DMD: variants seen among roughly 807,000 people sequenced by gnomAD.
DMD encodes the protein dystrophin.
A neutral mutation model predicts 330.1 loss-of-function variants in DMD; 63 were observed. The observed-to-expected ratio is 0.19, with a 90% CI of 0.16 to 0.24. DMD has a LOEUF of 0.24. Among genes scored for constraint, DMD ranks in the 10% least tolerant of loss-of-function variants. The probability of loss-of-function intolerance (pLI) is 1.00; values close to 1 mark genes in which losing one functional copy is unlikely to be tolerated. For synonymous variants in DMD, 1,223 were observed against 959.8 expected (o/e 1.27, Z -5.07); for missense variants, 3,344 against 2,684.1 (o/e 1.25, Z -5.43).
intron 54 of DMD, among the ~76,000 whole-genome samples, chrX:31,657,184 T>G (rs1569184781): frequency 1.8e-5 from 2 of 111,414 alleles, no homozygotes; most frequent in African/African-American, 6.5e-5. Context: ...GTACAGGTGC[T>G]ATTTTTTCAG....
intron 11 of DMD, among the ~76,000 whole-genome samples, chrX:32,635,277 T>C (rs2059019554): frequency 9.0e-6 from 1 of 111,570 alleles, no homozygotes; most frequent in Non-Finnish European, 1.9e-5. Context: ...TCTGTGCCTC[T>C]TTCTGTGATA....
At chrX:33,137,813 G>A (rs998390208) in intron 1 of DMD, among the ~76,000 whole-genome samples, 1 of 111,844 alleles carries the variant, frequency 8.9e-6, no homozygotes, top group Non-Finnish European at 1.9e-5. Flanking sequence ...TGAAGGAACA[G>A]AAGATGATGT....
chrX:32,822,480 G>A (rs1264092010), intron 5 of DMD, among the ~76,000 whole-genome samples: 1 of 110,088 alleles, frequency 9.1e-6, no homozygotes, highest in Non-Finnish European at 1.9e-5. Flanking sequence ...GTATGATTAT[G>A]TATACATATT....
intron 60 of DMD, among the ~76,000 whole-genome samples, chrX:31,373,811 T>C (rs1443187691): frequency 5.0e-4 from 54 of 108,913 alleles, no homozygotes; most frequent in African/African-American, 1.7e-3. Flanking sequence ...AAAGCCAAAA[T>C]TGACAAATGG....
At chrX:32,407,506 C>A (rs1361180267) in intron 30 of DMD, among the ~76,000 whole-genome samples, 2 of 110,956 alleles carry the variant, frequency 1.8e-5, no homozygotes, top group Non-Finnish European at 3.8e-5. Context: ...GAAATAGGAA[C>A]ACTTTTACAC....
At chrX:31,595,970 C>T (rs1485062882) in intron 55 of DMD, among the ~76,000 whole-genome samples, 4 of 110,762 alleles carry the variant, frequency 3.6e-5, no homozygotes, top group Non-Finnish European at 7.6e-5. Context: ...ATTTACAATG[C>T]TATAAGCTAT....
chrX:32,688,061 C>A, intron 9 of DMD, among the ~76,000 whole-genome samples: 1 of 112,178 alleles, frequency 8.9e-6, no homozygotes, highest in Non-Finnish European at 1.9e-5. Flanking sequence ...ATCTAGCCTA[C>A]ATGTGGAGAT....
intron 1 of DMD, among the ~76,000 whole-genome samples, chrX:33,189,482 C>A (rs912393991): frequency 1.8e-5 from 2 of 111,197 alleles, no homozygotes; most frequent in African/African-American, 6.5e-5. Context: ...CCTCCATTGG[C>A]GGAGTCAATG....
chrX:32,119,443 G>A (rs968889399), intron 44 of DMD, among the ~76,000 whole-genome samples: 9 of 110,553 alleles, frequency 8.1e-5, no homozygotes, highest in African/African-American at 3.0e-4. Flanking sequence ...TATCAGGTCC[G>A]CAATGCAGCC....
Position 32,390,308 on chromosome X carries a change from T to A in DMD, c.4234-127A>T, listed in dbSNP as rs1240904002. The A allele has an allele frequency of 5.5e-6, 3 of 547,465 alleles. No homozygotes were observed. In the East Asian group the frequency reaches 1.1e-4, roughly 20 times the overall value. The allele number at this position is 547,465 out of a possible 1,213,427, so 45.1% of individuals were successfully genotyped here. A position where few individuals can be genotyped will look rare whatever the true frequency, so the allele number is the denominator to read the frequency against. ...TAGCTTCCTTTAAAATGACCGTAAA[T>A]TGGCCAAGAGTGGTGGTTCACACCT... On this transcript the variant is annotated intron_variant, in intron 30 of 78. Transcript: ENST00000357033.
chrX:32,397,213 G>A (rs771633294), intron 30 of DMD, among the ~76,000 whole-genome samples: 1 of 111,589 alleles, frequency 9.0e-6, no homozygotes, highest in African/African-American at 3.2e-5. Context: ...TATAATTTGA[G>A]TTATATTTTC....
intron 44 of DMD, among the ~76,000 whole-genome samples, chrX:32,123,202 C>CATTAT (rs1557152295): frequency 3.1e-5 from 1 of 32,576 alleles, no homozygotes; most frequent in African/African-American, 1.4e-4. Context: ...TGTGAGCATG[C>CATTAT]ATATATATAT....
chrX:32,073,264 C>T (rs2096315087), intron 44 of DMD, among the ~76,000 whole-genome samples: 1 of 111,619 alleles, frequency 9.0e-6, no homozygotes, highest in African/African-American at 3.3e-5. Context: ...GTGAAAGTGA[C>T]TTAGGACGGG....
At chrX:32,787,231 TGTGTGTGTGTGTGTGTGA>T (rs1279503749) in intron 7 of DMD, among the ~76,000 whole-genome samples, 1 of 100,015 alleles carries the variant, frequency 1.0e-5, no homozygotes, top group Admixed American at 1.1e-4. Flanking sequence ...TGTGTGTGTG[TGTGTGTGTGTGTGTGTGA>T]GAGAGAGAGA....
At chrX:32,566,560 G>A (rs761529247) in intron 15 of DMD, among the ~76,000 whole-genome samples, 7 of 111,970 alleles carry the variant, frequency 6.3e-5, no homozygotes, top group African/African-American at 1.9e-4. Context: ...GAACTAAGTC[G>A]CTGGGCATGA....
chrX:32,498,526 G>A lies in DMD; in HGVS notation c.2380+3229C>T, dbSNP rs970100432. 8.1e-5 allele frequency among the ~76,000 whole-genome samples: 9 copies of A among 110,446 alleles called. No homozygotes were observed. In the East Asian group the frequency reaches 8.4e-4, roughly 10 times the overall value. On this transcript the variant is annotated intron_variant, in intron 19 of 78. Coordinates refer to ENST00000357033, the MANE Select transcript of DMD (RefSeq NM_004006.3). ...GAACTGGAACATCCATAAGGAAAAC[G>A]TCCATGTATAGTTTTAAAGCAGGCA...
chrX:31,961,740 G>GTTTT (rs59279553), intron 45 of DMD, among the ~76,000 whole-genome samples: 36 of 75,604 alleles, frequency 4.8e-4, no homozygotes, highest in African/African-American at 1.9e-3. Context: ...AAAGGAAGCG[G>GTTTT]TTTTTTTTTT....
At chrX:31,176,898 A>G (rs2040564539) in intron 71 of DMD, among the ~76,000 whole-genome samples, 1 of 111,591 alleles carries the variant, frequency 9.0e-6, no homozygotes, top group Admixed American at 9.5e-5. Flanking sequence ...CTCAATTAAT[A>G]ATATGCATTT....
intron 37 of DMD, among the ~76,000 whole-genome samples, chrX:32,357,698 C>A (rs765658742): frequency 5.1e-5 from 5 of 98,671 alleles, no homozygotes; most frequent in African/African-American, 1.4e-4. Context: ...CACACACACA[C>A]AGAGCACATC....
Sources: allele counts gnomAD v4.1 joint callset (sites outside exome capture counted in the v4.1 genomes callset), GRCh38; gene constraint gnomAD v4.1.1; transcripts MANE v1.5; gene names NCBI Gene and HGNC (gene_info 2026-07-23, HGNC 2026-07-21).